The following ZDHHC11 variants were observed in gnomAD, a reference collection of about 807,000 sequenced individuals.
The protein encoded by ZDHHC11 is palmitoyltransferase ZDHHC11.
ZDHHC11 carries 44 observed loss-of-function variants against 51.3 expected under a neutral mutation model. That is an observed-to-expected ratio of 0.86 (90% CI 0.67 to 1.10). The LOEUF (loss-of-function observed/expected upper bound fraction) is 1.10, where lower values mean the gene tolerates loss of function less well. ZDHHC11 is among the 50% of genes least tolerant of loss of function. ZDHHC11 has a pLI of 0.00. For synonymous variants in ZDHHC11, 163 were observed against 222.0 expected, an observed-to-expected ratio of 0.73 and a Z score of 2.36; for missense variants, 400 against 537.7, an observed-to-expected ratio of 0.74 and a Z score of 2.53.
At chr5:811,435 G>A (rs1403935483) in intron 11 of ZDHHC11, among the ~76,000 whole-genome samples, 1 of 142,830 alleles carries the variant, frequency 7.0e-6, no homozygotes, top group Non-Finnish European at 1.5e-5. Context: ...TGATGAATGG[G>A]GCACTTCTCC....
At chr5:805,075 T>C (rs1277456677) in intron 11 of ZDHHC11, among the ~76,000 whole-genome samples, 3 of 151,466 alleles carry the variant, frequency 2.0e-5, no homozygotes, top group Admixed American at 6.6e-5. Context: ...TATAAAGATG[T>C]AATCAATGAC....
intron 11 of ZDHHC11, among the ~76,000 whole-genome samples, chr5:808,093 G>A (rs1739535392): frequency 6.6e-6 from 1 of 150,472 alleles, no homozygotes; most frequent in Non-Finnish European, 1.5e-5. Flanking sequence ...GCTCTCCTAA[G>A]TGGACTGAAA....
chr5:819,065 C>T (rs1344071776), intron 10 of ZDHHC11, among the ~76,000 whole-genome samples: 2 of 151,710 alleles, frequency 1.3e-5, no homozygotes, highest in East Asian at 1.9e-4. Context: ...CCAACACATA[C>T]GTGCACATGT....
intron 7 of ZDHHC11, among the ~76,000 whole-genome samples, chr5:831,043 A>C (rs1290829457): frequency 6.7e-6 from 1 of 149,734 alleles, no homozygotes; most frequent in African/African-American, 2.5e-5. Flanking sequence ...AAACTTTTGT[A>C]GGCATTGACT....
At position 850,789 on chromosome 5, in the gene ZDHHC11, G is replaced by C. The variant is rs1422440843; in HGVS notation, c.-187C>G. Reference sequence around the variant, plus strand: ...CAGGGGCTGGGCTGGAGTCGGTGCAGGGCCCCGCCCAGGGGAATGAACAGA... The same window carrying C: ...CAGGGGCTGGGCTGGAGTCGGTGCACGGCCCCGCCCAGGGGAATGAACAGA... On this transcript the variant is annotated 5_prime_UTR_variant, in exon 1 of 13. Transcript: ENST00000283441. 4.2e-6 allele frequency: 3 copies of C among 709,932 alleles called. No homozygotes were observed. The African/African-American group carries it at 5.4e-5, about 13-fold the overall frequency. The allele number at this position is 709,932 out of a possible 1,614,324, so 44.0% of individuals were successfully genotyped here. A position where few individuals can be genotyped will look rare whatever the true frequency, so the allele number is the denominator to read the frequency against.
At chr5:813,252 C>G (rs1032149856) in intron 11 of ZDHHC11, among the ~76,000 whole-genome samples, 2 of 141,918 alleles carry the variant, frequency 1.4e-5, no homozygotes, top group Non-Finnish European at 3.0e-5. Context: ...TGCAAGAATC[C>G]AAGTGGCAAA....
chr5:836,763 T>A lies in ZDHHC11; in HGVS notation c.900+602A>T, dbSNP rs1240120595. ...GGAAAGGGAACTAACTTCCTTAAGT[T>A]AAAAATCATGTTTCAGGCCAGGTAC... is the stretch of plus-strand genomic sequence containing the variant. On this transcript the variant is annotated intron_variant, in intron 6 of 12. Coordinates refer to ENST00000283441, the MANE Select transcript of ZDHHC11 (RefSeq NM_024786.3). Among the ~76,000 whole-genome samples the A allele has an allele frequency of 2.0e-5, 3 of 149,944 alleles. 1 individual carries two copies. The highest frequency in any genetic ancestry group is 7.4e-5 in the African/African-American group (3 of 40,602).
At chr5:819,839 G>C (rs1274026131) in intron 9 of ZDHHC11, among the ~76,000 whole-genome samples, 1 of 151,242 alleles carries the variant, frequency 6.6e-6, no homozygotes, top group Non-Finnish European at 1.5e-5. Flanking sequence ...CTTCCCACTT[G>C]GATTCTGTAA....
At chr5:825,517 C>T (rs1742234047) in intron 7 of ZDHHC11, among the ~76,000 whole-genome samples, 1 of 152,136 alleles carries the variant, frequency 6.6e-6, no homozygotes, top group Non-Finnish European at 1.5e-5. Context: ...CCGTGTGAGA[C>T]CTGCCCTACA....
chr5:850,252 G>A, intron 1 of ZDHHC11, 129 bp downstream of exon 1: 3 of 1,072,482 alleles, frequency 2.8e-6, no homozygotes, highest in Non-Finnish European at 4.1e-6. Context: ...AGGCTCAGGG[G>A]ACATAGTCTG....
At chr5:846,722 T>C (rs1746244717) in intron 3 of ZDHHC11, among the ~76,000 whole-genome samples, 1 of 144,466 alleles carries the variant, frequency 6.9e-6, no homozygotes, top group Admixed American at 6.9e-5. Flanking sequence ...GCCTCCACCA[T>C]GCTCAGGGGA....
chr5:841,575 G>C, intron 4 of ZDHHC11: 1 of 1,001,090 alleles, frequency 1.0e-6, no homozygotes, highest in South Asian at 4.2e-5. Context: ...TGCCAGCTCT[G>C]CCAGGCCCCA....
intron 12 of ZDHHC11, among the ~76,000 whole-genome samples, chr5:799,474 C>T (rs1406861421): frequency 1.3e-5 from 2 of 151,652 alleles, no homozygotes; most frequent in African/African-American, 4.8e-5. Flanking sequence ...CTAAGACACG[C>T]CTTGTGTCCA....
chr5:801,774 C>T (rs1375046034), intron 11 of ZDHHC11, among the ~76,000 whole-genome samples: 1 of 151,060 alleles, frequency 6.6e-6, no homozygotes, highest in Admixed American at 6.6e-5. Flanking sequence ...GAATTAGACA[C>T]CAGAAACACG....
intron 11 of ZDHHC11, among the ~76,000 whole-genome samples, chr5:806,440 A>G (rs1266007969): frequency 6.7e-6 from 1 of 150,124 alleles, no homozygotes; most frequent in Non-Finnish European, 1.5e-5. Flanking sequence ...GAAAACCCTT[A>G]GTAGAAATAA....
chr5:843,196 C>G (rs1387458174), intron 4 of ZDHHC11: 1 of 375,198 alleles, frequency 2.7e-6, no homozygotes, highest in South Asian at 2.2e-5. Context: ...GCACCCTCAG[C>G]GCTGCCTCCA....
At chr5:844,742 C>T (rs1410244640) in intron 3 of ZDHHC11, among the ~76,000 whole-genome samples, 2 of 152,184 alleles carry the variant, frequency 1.3e-5, no homozygotes, top group African/African-American at 2.4e-5. Context: ...CGGCTGCAGT[C>T]CCCCCTTCTC....
At position 848,548 on chromosome 5, in the gene ZDHHC11, A is replaced by G. The variant is rs1341325933; in HGVS notation, c.335T>C (p.Leu112Pro). The change falls in exon 2 of 13, where the codon CTC becomes CCC. Residue 112 changes from leucine (L) to proline (P), a missense_variant. Transcript: ENST00000283441. ...LMKNYSQPMPLFDRSKHAHVI... is the reference protein window; with the variant it reads ...LMKNYSQPMPPFDRSKHAHVI... The stretch of plus-strand genomic sequence containing the variant: ...GTGTGCATGTTTTGATCTGTCGAAG[A>G]GGGGCATGGGCTGAGAATAGTTCTT... 1.9e-6 allele frequency: 3 copies of G among 1,552,076 alleles called. No homozygotes were observed. The highest frequency in any genetic ancestry group is 2.6e-6 in the Non-Finnish European group (3 of 1,143,852).
At chr5:797,556 C>G (rs1401881519) in intron 12 of ZDHHC11, among the ~76,000 whole-genome samples, 4 of 151,442 alleles carry the variant, frequency 2.6e-5, no homozygotes, top group Middle Eastern at 6.8e-3. Context: ...TTTCAACTGT[C>G]TAATTTGTTG....
Sources: allele counts gnomAD v4.1 joint callset (sites outside exome capture counted in the v4.1 genomes callset), GRCh38; gene constraint gnomAD v4.1.1; transcripts MANE v1.5; gene names NCBI Gene and HGNC (gene_info 2026-07-23, HGNC 2026-07-21).